VPS13A: variants seen among roughly 807,000 people sequenced by gnomAD.
VPS13A encodes the protein intermembrane lipid transfer protein VPS13A.
A neutral mutation model predicts 390.9 loss-of-function variants in VPS13A; 264 were observed. The observed-to-expected ratio is 0.68, with a 90% confidence interval of 0.61 to 0.75. The LOEUF (loss-of-function observed/expected upper bound fraction) is 0.75, where lower values mean the gene tolerates loss of function less well. Among genes scored for constraint, VPS13A ranks in the 30% least tolerant of loss-of-function variants. The pLI, the probability that VPS13A is intolerant of heterozygous loss-of-function variation, is 0.00. For missense variants in VPS13A, 3,409 were observed against 3,733.9 expected (o/e 0.91, Z 2.27); for synonymous variants, 1,231 against 1,227.1 (o/e 1.00, Z -0.07).
chr9:77,201,404 A>G lies in VPS13A; in HGVS notation c.184A>G (p.Ile62Val), dbSNP rs1825322632. ...ACCATTTAAAGTTAAAGTTGGTCAC[A>G]TAGGTAAGCCATATTCATTATTGGG... ...DVPFKVKVGH[I>V]GNLKLIIPWK... Residue 62 changes from isoleucine (I) to valine (V), a missense_variant, in exon 3 of 72, where the codon ATA (isoleucine) becomes GTA (valine). Ile to Val is a conservative substitution (Grantham distance 29). Transcript: ENST00000360280. 3.1e-6 allele frequency: 5 copies of G among 1,610,592 alleles called. No individual in the cohort carries two copies. In the South Asian group the frequency reaches 4.4e-5, roughly 14 times the overall value.
intron 23 of VPS13A, among the ~76,000 whole-genome samples, chr9:77,263,137 C>A (rs867491391): frequency 6.8e-6 from 1 of 146,530 alleles, no homozygotes; most frequent in Non-Finnish European, 1.5e-5. Flanking sequence ...GACGGAGTCT[C>A]GCTTTGTCGC....
At chr9:77,394,007 A>G (rs1334159963) in intron 68 of VPS13A, among the ~76,000 whole-genome samples, 1 of 151,924 alleles carries the variant, frequency 6.6e-6, no homozygotes, top group Admixed American at 6.6e-5. Context: ...ACCTCAGGTG[A>G]TCCACCCACC....
chr9:77,291,375 G>GTT lies in VPS13A; in HGVS notation c.3340-1966_3340-1965insTT, dbSNP rs1181509900. On this transcript the variant is annotated intron_variant, in intron 31 of 71. Coordinates refer to ENST00000360280, the MANE Select transcript of VPS13A (RefSeq NM_033305.3). ...GCTCCCTGTTACCAAAAAGGCTGGG[G>GTT]ACCACAGATGCATAGCATAATAGAG... 6.6e-4 allele frequency among the ~76,000 whole-genome samples: 100 copies of GTT among 152,220 alleles called. 2 individuals carry two copies. The highest frequency in any genetic ancestry group is 5.9e-3 in the Admixed American group (90 of 15,294).
intron 59 of VPS13A, among the ~76,000 whole-genome samples, chr9:77,365,085 A>T (rs17063564): frequency 0.19 from 28,303 of 152,106 alleles, 2,784 homozygotes; most frequent in Middle Eastern, 0.23. Context: ...TCTGTGTAGG[A>T]TGCATTAAAG....
intron 27 of VPS13A, among the ~76,000 whole-genome samples, chr9:77,281,610 A>AATAATAAGAATG (rs1197566055): frequency 2.6e-5 from 4 of 152,062 alleles, no homozygotes; most frequent in Non-Finnish European, 5.9e-5. Flanking sequence ...TTCCTCTCTT[A>AATAATAAGAATG]ATAATAAGAA....
chr9:77,382,972 G>A (rs1330635187), intron 68 of VPS13A: 16 of 984,978 alleles, frequency 1.6e-5, no homozygotes, highest in Non-Finnish European at 1.7e-5. Flanking sequence ...GTTTAGAGGT[G>A]GAATACTAAA....
chr9:77,312,074 A>T (rs1232333108), intron 35 of VPS13A, among the ~76,000 whole-genome samples: 1 of 152,190 alleles, frequency 6.6e-6, no homozygotes, highest in Non-Finnish European at 1.5e-5. Flanking sequence ...AAAATCAAAG[A>T]TTAAATCTTC....
chr9:77,412,635 C>T (rs1176727787), intron 71 of VPS13A, among the ~76,000 whole-genome samples: 1 of 152,112 alleles, frequency 6.6e-6, no homozygotes, highest in African/African-American at 2.4e-5. Flanking sequence ...AACCCACAGC[C>T]AATATCATAC....
intron 34 of VPS13A, among the ~76,000 whole-genome samples, chr9:77,306,414 TTG>T (rs60382346): frequency 0.024 from 3,415 of 140,618 alleles, 38 homozygotes; most frequent in Middle Eastern, 0.035. Context: ...GTGTGTGTGT[TTG>T]TGTGTGTGTG....
intron 1 of VPS13A, among the ~76,000 whole-genome samples, chr9:77,185,056 C>T (rs1824249272): frequency 6.6e-6 from 1 of 152,064 alleles, no homozygotes; most frequent in African/African-American, 2.4e-5. Flanking sequence ...ATCAGAAGCA[C>T]AGATCACAGC....
intron 45 of VPS13A, among the ~76,000 whole-genome samples, chr9:77,327,727 T>C (rs1432482755): frequency 6.6e-6 from 1 of 152,060 alleles, no homozygotes; most frequent in African/African-American, 2.4e-5. Flanking sequence ...CTTCATACTT[T>C]TCTCTCTAAA....
intron 68 of VPS13A, among the ~76,000 whole-genome samples, chr9:77,392,128 AAAG>A (rs1326480550): frequency 6.6e-6 from 1 of 152,206 alleles, no homozygotes; most frequent in Non-Finnish European, 1.5e-5. Context: ...GCAAGGCTGT[AAAG>A]AACATTAGGA....
intron 13 of VPS13A, among the ~76,000 whole-genome samples, chr9:77,223,199 G>A (rs12000899): frequency 6.5e-4 from 99 of 152,182 alleles, no homozygotes; most frequent in African/African-American, 2.1e-3. Flanking sequence ...AATGTTGTGC[G>A]TGTTCTGACT....
chr9:77,399,170 AAAAAAAAAAAT>A (rs529689800), intron 68 of VPS13A, among the ~76,000 whole-genome samples: 24,995 of 114,730 alleles, frequency 0.22, 2,180 homozygotes, highest in Middle Eastern at 0.32. Flanking sequence ...AGTATAATAA[AAAAAAAAAAAT>A]AAAAAAAAAA....
rs1221854790 is a variant in VPS13A at position 77,411,490 on chromosome 9, C to T, written c.9474+3883C>T. ...CATCCTGGCTAACATGGTGAAACCC[C>T]GTCTCTACTAAAAATACAAAAAATT... On this transcript the variant is annotated intron_variant, in intron 71 of 71. Coordinates refer to ENST00000360280, the MANE Select transcript of VPS13A (RefSeq NM_033305.3). Among the ~76,000 whole-genome samples, 32 of 151,792 alleles carry T rather than the reference C, an allele frequency of 2.1e-4. No homozygotes were observed. The South Asian group carries it at 4.2e-3, about 20-fold the overall frequency.
At chr9:77,399,194 A>AC (rs1834263437) in intron 68 of VPS13A, among the ~76,000 whole-genome samples, 1 of 127,774 alleles carries the variant, frequency 7.8e-6, no homozygotes, top group South Asian at 2.6e-4. Context: ...AAAAAAAAAA[A>AC]AAAAAAAAAA....
rs1227661928 is a variant in VPS13A, at chr9:77,317,997, A to G, written c.4957-238A>G. ...TCTGCAATTCATGTATATTAATAAT[A>G]TCATGTAATTCATGGAATAATATCT... On this transcript the variant is annotated intron_variant, in intron 40 of 71. Coordinates refer to ENST00000360280, the MANE Select transcript of VPS13A (RefSeq NM_033305.3). 4.0e-5 allele frequency among the ~76,000 whole-genome samples: 6 copies of G among 151,804 alleles called. No homozygotes were observed. The South Asian group carries it at 6.2e-4, about 16-fold the overall frequency.
At chr9:77,287,281 G>A (rs1301913327) in intron 31 of VPS13A, among the ~76,000 whole-genome samples, 1 of 150,382 alleles carries the variant, frequency 6.6e-6, no homozygotes, top group East Asian at 2.0e-4. Flanking sequence ...GCTCACTGCA[G>A]CCTCGACCTT....
chr9:77,286,825 G>C (rs1428822976), intron 31 of VPS13A, among the ~76,000 whole-genome samples: 1 of 152,078 alleles, frequency 6.6e-6, no homozygotes, highest in South Asian at 2.1e-4. Context: ...GTATAAGCCT[G>C]GCAGCCTACA....
Sources: allele counts gnomAD v4.1 joint callset (sites outside exome capture counted in the v4.1 genomes callset), GRCh38; gene constraint gnomAD v4.1.1; transcripts MANE v1.5; gene names NCBI Gene and HGNC (gene_info 2026-07-23, HGNC 2026-07-21).